GNA14: variants seen among roughly 807,000 people sequenced by gnomAD.
GNA14 encodes guanine nucleotide-binding protein subunit alpha-14.
In GNA14, 50 loss-of-function variants were observed where a neutral mutation model predicts 42.0. That is an observed-to-expected ratio of 1.19 (90% CI 0.95 to 1.51). GNA14 has a LOEUF of 1.51. GNA14 is among the 40% of genes most tolerant of loss of function. The pLI is 0.00. For synonymous variants in GNA14, 173 were observed against 163.1 expected, an observed-to-expected ratio of 1.06 and a Z score of -0.46; for missense variants, 473 against 446.2, an observed-to-expected ratio of 1.06 and a Z score of -0.54.
intron 2 of GNA14, among the ~76,000 whole-genome samples, chr9:77,493,009 A>G (rs1836805567): frequency 1.1e-5 from 1 of 90,966 alleles, no homozygotes; most frequent in Non-Finnish European, 2.1e-5. Flanking sequence ...TCAGGAAAAA[A>G]AAAAAAAAAA....
At chr9:77,578,902 TC>T (rs1447658656) in intron 1 of GNA14, among the ~76,000 whole-genome samples, 1 of 152,120 alleles carries the variant, frequency 6.6e-6, no homozygotes. Context: ...GATAAGGCCT[TC>T]CACTTGATGG....
intron 1 of GNA14, among the ~76,000 whole-genome samples, chr9:77,562,930 C>A (rs1381971825): frequency 6.6e-6 from 1 of 151,998 alleles, no homozygotes; most frequent in African/African-American, 2.4e-5. Flanking sequence ...TCCTATAGGT[C>A]TTCATTAGTT....
intron 2 of GNA14, among the ~76,000 whole-genome samples, chr9:77,492,995 C>T (rs866463031): frequency 3.4e-4 from 30 of 89,150 alleles, no homozygotes; most frequent in Middle Eastern, 6.4e-3. Context: ...AGCAAGACTC[C>T]GTCTCAGGAA....
At chr9:77,542,475 G>A (rs973075973) in intron 1 of GNA14, among the ~76,000 whole-genome samples, 8 of 152,182 alleles carry the variant, frequency 5.3e-5, no homozygotes, top group African/African-American at 1.9e-4. Flanking sequence ...TGTTGGCTCT[G>A]GTGTTAGTGG....
chr9:77,499,620 G>A (rs1390648539), intron 2 of GNA14, among the ~76,000 whole-genome samples: 3 of 152,146 alleles, frequency 2.0e-5, no homozygotes, highest in South Asian at 2.1e-4. Flanking sequence ...GGAGGCTGAG[G>A]GGGGTGGATC....
At chr9:77,477,391 A>C (rs1836450492) in intron 2 of GNA14, among the ~76,000 whole-genome samples, 1 of 152,160 alleles carries the variant, frequency 6.6e-6, no homozygotes, top group Admixed American at 6.6e-5. Context: ...TATGTTAAGT[A>C]AAAGTCCATG....
intron 1 of GNA14, among the ~76,000 whole-genome samples, chr9:77,530,197 G>A (rs933191386): frequency 2.0e-5 from 3 of 152,156 alleles, no homozygotes; most frequent in African/African-American, 7.2e-5. Context: ...GAGATGACTC[G>A]ATCATGGGGG....
chr9:77,563,008 ACC>A (rs1224620037), intron 1 of GNA14, among the ~76,000 whole-genome samples: 2 of 152,160 alleles, frequency 1.3e-5, no homozygotes, highest in African/African-American at 4.8e-5. Context: ...AAACATAGGT[ACC>A]CGTTATTAAA....
intron 1 of GNA14, among the ~76,000 whole-genome samples, chr9:77,622,259 G>A (rs1039506295): frequency 6.6e-6 from 1 of 152,238 alleles, no homozygotes; most frequent in South Asian, 2.1e-4. Context: ...ACAACAAGAA[G>A]AAATGAGCTC....
intron 2 of GNA14, among the ~76,000 whole-genome samples, chr9:77,434,834 C>G (rs1481874156): frequency 6.6e-6 from 1 of 152,166 alleles, no homozygotes; most frequent in African/African-American, 2.4e-5. Context: ...TAAAGAGTCA[C>G]TGGAGCTTTC....
intron 1 of GNA14, among the ~76,000 whole-genome samples, chr9:77,579,802 G>A (rs1193948846): frequency 1.3e-5 from 2 of 152,164 alleles, no homozygotes; most frequent in African/African-American, 2.4e-5. Context: ...AGAAATTACT[G>A]CTATTGTAAG....
In GNA14 at chr9:77,647,933, A is replaced by G; in HGVS notation, c.-140T>C. On this transcript the variant is annotated 5_prime_UTR_variant, in exon 1 of 7. Coordinates refer to ENST00000341700, the MANE Select transcript of GNA14 (RefSeq NM_004297.4). Reference sequence around the variant, plus strand: ...GGGGGCCGACTTGAGCTTTGGAGTAAGACGCCTGGACCTCCGAGGCTCAAT... The same window carrying G: ...GGGGGCCGACTTGAGCTTTGGAGTAGGACGCCTGGACCTCCGAGGCTCAAT... 1 of 969,440 alleles carries G rather than the reference A, an allele frequency of 1.0e-6. No individual in the cohort carries two copies. The highest frequency in any genetic ancestry group is 2.8e-5 in the East Asian group (1 of 36,122). 60.1% of individuals were successfully genotyped at this position (969,440 alleles called of 1,614,324 possible). A position where few individuals can be genotyped will look rare whatever the true frequency, so the allele number is the denominator to read the frequency against.
At chr9:77,512,535 C>A (rs1352234313) in intron 2 of GNA14, among the ~76,000 whole-genome samples, 1 of 152,152 alleles carries the variant, frequency 6.6e-6, no homozygotes, top group African/African-American at 2.4e-5. Context: ...TCTTTTCCCA[C>A]TCCATTCAAA....
At chr9:77,506,273 C>A (rs1048721283) in intron 2 of GNA14, among the ~76,000 whole-genome samples, 2 of 146,320 alleles carry the variant, frequency 1.4e-5, no homozygotes, top group Non-Finnish European at 3.0e-5. Context: ...CAGAGTGAGA[C>A]CCTGTCTCTT....
intron 1 of GNA14, among the ~76,000 whole-genome samples, chr9:77,618,879 C>T (rs987066364): frequency 6.6e-6 from 1 of 150,852 alleles, no homozygotes; most frequent in Non-Finnish European, 1.5e-5. Flanking sequence ...GTGATCCGCC[C>T]GCCTCGGCCT....
intron 1 of GNA14, among the ~76,000 whole-genome samples, chr9:77,593,642 G>A (rs901459075): frequency 6.6e-6 from 1 of 152,120 alleles, no homozygotes; most frequent in Non-Finnish European, 1.5e-5. Flanking sequence ...AGGCCTCCTG[G>A]GGGCAGGGCA....
chr9:77,637,997 T>C (rs7870979), intron 1 of GNA14, among the ~76,000 whole-genome samples: 1,943 of 150,052 alleles, frequency 0.013, 40 homozygotes, highest in African/African-American at 0.045. Flanking sequence ...TGTAGTCTTA[T>C]AGTGAAGTAA....
chr9:77,498,367 C>A (rs1836907015), intron 2 of GNA14, among the ~76,000 whole-genome samples: 1 of 83,766 alleles, frequency 1.2e-5, no homozygotes. Context: ...GAGCAAAAGT[C>A]TGTCTCAAAA....
intron 1 of GNA14, among the ~76,000 whole-genome samples, chr9:77,619,292 C>T (rs939549108): frequency 3.2e-4 from 49 of 152,228 alleles, no homozygotes; most frequent in African/African-American, 1.1e-3. Flanking sequence ...CTGCAACCTC[C>T]GCCTCCTGGG....
Sources: gnomAD v4.1 joint callset for allele counts (sites outside exome capture counted in the v4.1 genomes callset) on GRCh38, gnomAD v4.1.1 for gene constraint, MANE v1.5 for transcripts, NCBI Gene and HGNC (gene_info 2026-07-23, HGNC 2026-07-21) for gene names.